The following ADTRP variants were observed in gnomAD, a reference collection of about 807,000 sequenced individuals.
The protein encoded by ADTRP is androgen-dependent TFPI-regulating protein.
A neutral mutation model predicts 27.0 loss-of-function variants in ADTRP; 20 were observed. The observed-to-expected ratio is 0.74, with a 90% CI of 0.52 to 1.08. The LOEUF (loss-of-function observed/expected upper bound fraction) is 1.08. ADTRP is among the 50% of genes least tolerant of loss of function. The pLI is 0.00. For missense variants in ADTRP, 251 were observed against 275.0 expected, an observed-to-expected ratio of 0.91 and a Z score of 0.62; for synonymous variants, 101 against 105.2, an observed-to-expected ratio of 0.96 and a Z score of 0.25.
intron 3 of ADTRP, among the ~76,000 whole-genome samples, chr6:11,761,056 T>A (rs1239427829): frequency 7.2e-5 from 11 of 152,220 alleles, no homozygotes; most frequent in African/African-American, 7.2e-5. Context: ...GGTCTTCTTG[T>A]TTTTTAGAGA....
rs150146642 is a variant in ADTRP, at chr6:11,736,889, T to C, written c.391-1206A>G. Among the ~76,000 whole-genome samples, 9 of 152,300 alleles carry C rather than the reference T, an allele frequency of 5.9e-5. No individual in the cohort carries two copies. The East Asian group carries it at 1.7e-3, about 29-fold the overall frequency. ...AGTCCTGCTGAGGGTGGTAAGTGTG[T>C]GGGGTATGCGTGAGCCTCCCTCTGA... On this transcript the variant is annotated intron_variant, in intron 3 of 5. Transcript: ENST00000414691.
At chr6:11,722,036 G>T (rs538014527) in intron 5 of ADTRP, among the ~76,000 whole-genome samples, 1 of 152,062 alleles carries the variant, frequency 6.6e-6, no homozygotes, top group Non-Finnish European at 1.5e-5. Flanking sequence ...TATATAGAGA[G>T]AGAGAGATTT....
rs1032692504 is a variant in ADTRP, at chr6:11,758,577, G to A, written c.390+7697C>T. 9.1e-5 allele frequency among the ~76,000 whole-genome samples: 11 copies of A among 120,372 alleles called. 2 individuals carry two copies. Among genetic ancestry groups the A allele is most frequent in the Non-Finnish European group, 1.9e-4 (11 of 57,234 alleles). 79.0% of individuals were successfully genotyped at this position (120,372 alleles called of 152,430 possible). A position where few individuals can be genotyped will look rare whatever the true frequency, so the allele number is the denominator to read the frequency against. ...ACACACCGGGGACTGTTGTGGGGTG[G>A]GGGGGGGGGACGGATAGCATTAGGA... On this transcript the variant is annotated intron_variant, in intron 3 of 5. Coordinates refer to ENST00000414691, the MANE Select transcript of ADTRP (RefSeq NM_032744.4).
intron 4 of ADTRP, among the ~76,000 whole-genome samples, chr6:11,724,178 T>C (rs982093991): frequency 2.0e-5 from 3 of 152,136 alleles, no homozygotes; most frequent in Non-Finnish European, 2.9e-5. Context: ...TGCTGAGACA[T>C]TGAACCTGCT....
chr6:11,744,134 T>G (rs1441443057), intron 3 of ADTRP, among the ~76,000 whole-genome samples: 1 of 152,170 alleles, frequency 6.6e-6, no homozygotes, highest in African/African-American at 2.4e-5. Context: ...GATCTGGTTC[T>G]TAAAAAGAAC....
intron 1 of ADTRP, chr6:11,770,154 T>G: frequency 7.0e-7 from 1 of 1,422,768 alleles, no homozygotes; most frequent in Non-Finnish European, 9.7e-7. Context: ...TTGTGGGAGG[T>G]CAGAAGAGAG....
chr6:11,768,811 C>T (rs1432535515), intron 1 of ADTRP, among the ~76,000 whole-genome samples: 6 of 152,068 alleles, frequency 3.9e-5, no homozygotes, highest in Admixed American at 1.3e-4. Context: ...ATGCCTAGTG[C>T]TGAAATCTCA....
At chr6:11,771,430 G>A (rs1256190682) in intron 1 of ADTRP, among the ~76,000 whole-genome samples, 1 of 152,226 alleles carries the variant, frequency 6.6e-6, no homozygotes, top group Non-Finnish European at 1.5e-5. Context: ...GGGGCTGCCA[G>A]GAGCAGCTGG....
intron 4 of ADTRP, among the ~76,000 whole-genome samples, chr6:11,734,613 A>C (rs1269545652): frequency 2.6e-5 from 4 of 152,196 alleles, no homozygotes; most frequent in African/African-American, 9.7e-5. Context: ...AAAACAGCAG[A>C]TGAGGTCTGG....
At chr6:11,726,594 T>C (rs1311001858) in intron 4 of ADTRP, among the ~76,000 whole-genome samples, 3 of 152,198 alleles carry the variant, frequency 2.0e-5, no homozygotes, top group Non-Finnish European at 4.4e-5. Flanking sequence ...CTGCAGAATA[T>C]GAACTAAATA....
intron 4 of ADTRP, among the ~76,000 whole-genome samples, chr6:11,727,499 A>C (rs1762248176): frequency 1.3e-5 from 2 of 152,208 alleles, no homozygotes; most frequent in Admixed American, 6.5e-5. Context: ...TACTCCAAAA[A>C]GTTGCATCAC....
intron 4 of ADTRP, among the ~76,000 whole-genome samples, chr6:11,726,740 A>T (rs1233059071): frequency 6.6e-6 from 1 of 152,254 alleles, no homozygotes; most frequent in Non-Finnish European, 1.5e-5. Flanking sequence ...ATGGATGCAC[A>T]ACAAGGTAAA....
chr6:11,770,094 G>A, intron 1 of ADTRP: 2 of 1,543,190 alleles, frequency 1.3e-6, no homozygotes, highest in Non-Finnish European at 1.7e-6. Flanking sequence ...GCTAGACTTC[G>A]AAAAAATAAA....
Position 11,740,536 on chromosome 6 carries a change from C to T in ADTRP, c.391-4853G>A, listed in dbSNP as rs566226827. Among the ~76,000 whole-genome samples the T allele has an allele frequency of 2.6e-5, 4 of 152,292 alleles. No individual in the cohort carries two copies. In the South Asian group the frequency reaches 8.3e-4, roughly 32 times the overall value. The stretch of plus-strand genomic sequence containing the variant: ...TTAATCGAATGCCATCATATCCAGG[C>T]TTATTATTACGCTGCTGGGTCACAT... On this transcript the variant is annotated intron_variant, in intron 3 of 5. Transcript: ENST00000414691.
At chr6:11,728,223 T>G (rs1475034493) in intron 4 of ADTRP, 3 of 152,370 alleles carry the variant, frequency 2.0e-5, no homozygotes, top group Non-Finnish European at 2.9e-5. Context: ...TTCAACCCAC[T>G]TCCCCTATTG....
chr6:11,717,653 G>A (rs1030371884), intron 5 of ADTRP, among the ~76,000 whole-genome samples: 2 of 152,192 alleles, frequency 1.3e-5, no homozygotes, highest in African/African-American at 2.4e-5. Context: ...TTGATGGTTG[G>A]GGGGATAGCA....
At position 11,713,896 on chromosome 6, in the gene ADTRP, G is replaced by C. The variant is rs139878588; in HGVS notation, c.*582C>G. The C allele has an allele frequency of 6.6e-6, 1 of 151,680 alleles. No homozygotes were observed. Among genetic ancestry groups the C allele is most frequent in the Non-Finnish European group, 1.5e-5 (1 of 68,016 alleles). The allele number at this position is 151,680 out of a possible 1,614,324, so 9.4% of individuals were successfully genotyped here. On this transcript the variant is annotated 3_prime_UTR_variant, in exon 6 of 6. Coordinates refer to ENST00000414691, the MANE Select transcript of ADTRP (RefSeq NM_032744.4). ...TAGTAGCCATCTCCCTACATTTTTAGATCACTGAAAAAAATGGATGAGCAA... is the reference window on the plus strand; with the variant it reads ...TAGTAGCCATCTCCCTACATTTTTACATCACTGAAAAAAATGGATGAGCAA...
At chr6:11,715,490 C>T (rs1581298595) in intron 5 of ADTRP, among the ~76,000 whole-genome samples, 1 of 152,218 alleles carries the variant, frequency 6.6e-6, no homozygotes, top group East Asian at 1.9e-4. Context: ...GTATTCATCT[C>T]ATGCAAAATT....
At chr6:11,724,717 A>G (rs1762130978) in intron 4 of ADTRP, among the ~76,000 whole-genome samples, 1 of 152,208 alleles carries the variant, frequency 6.6e-6, no homozygotes, top group East Asian at 1.9e-4. Flanking sequence ...ACCTCCAGCA[A>G]TTTCATCAAC....
Sources: gnomAD v4.1 joint callset for allele counts (sites outside exome capture counted in the v4.1 genomes callset) on GRCh38, gnomAD v4.1.1 for gene constraint, MANE v1.5 for transcripts, NCBI Gene and HGNC (gene_info 2026-07-23, HGNC 2026-07-21) for gene names.